Variants in KIAA0513 observed in about 807,000 individuals in gnomAD.
KIAA0513 encodes the protein uncharacterized protein KIAA0513.
In KIAA0513, 39 loss-of-function variants were observed where a neutral mutation model predicts 56.5. The ratio of observed to expected loss-of-function variants is 0.69; its 90% confidence interval spans 0.53 to 0.90. KIAA0513 has a LOEUF of 0.90. Ranked by LOEUF, KIAA0513 falls within the 40% of genes least tolerant of loss-of-function variation. KIAA0513 has a pLI of 0.00. For missense variants in KIAA0513, 591 were observed against 535.2 expected, an observed-to-expected ratio of 1.10 and a Z score of -1.03; for synonymous variants, 268 against 215.6, an observed-to-expected ratio of 1.24 and a Z score of -2.13.
chr16:85,056,969 G>T (rs572084078), intron 1 of KIAA0513, among the ~76,000 whole-genome samples: 6 of 152,212 alleles, frequency 3.9e-5, no homozygotes, highest in African/African-American at 1.4e-4. Flanking sequence ...CCTCCCAAAG[G>T]GCTGGAATTA....
chr16:85,032,983 G>C (rs919295375), intron 1 of KIAA0513, among the ~76,000 whole-genome samples: 1 of 152,104 alleles, frequency 6.6e-6, no homozygotes, highest in South Asian at 2.1e-4. Flanking sequence ...TAGGACCTCA[G>C]CATATCTTTT....
rs1038709734 is a variant in KIAA0513, at chr16:85,076,599, G to A, written c.574+685G>A. 2.6e-5 allele frequency among the ~76,000 whole-genome samples: 4 copies of A among 152,020 alleles called. No individual in the cohort carries two copies. The highest frequency in any genetic ancestry group is 6.6e-5 in the Admixed American group (1 of 15,260). ...CTGGTCCCCCGTGCTTTCCTCTCTC[G>A]GGACCCGCGTGCTCACTCTTGGGGT... On this transcript the variant is annotated intron_variant, in intron 5 of 12. Transcript: ENST00000683363. The surrounding 1 kb of genome is among the most constrained non-coding windows in gnomAD (Gnocchi z 4.7).
intron 1 of KIAA0513, among the ~76,000 whole-genome samples, chr16:85,051,349 G>A (rs1425677656): frequency 1.3e-5 from 2 of 152,022 alleles, no homozygotes; most frequent in Non-Finnish European, 2.9e-5. Flanking sequence ...ACCTATCTTT[G>A]GATATAGCCA....
At chr16:85,065,024 T>C (rs995102569) in intron 1 of KIAA0513, among the ~76,000 whole-genome samples, 1 of 152,066 alleles carries the variant, frequency 6.6e-6, no homozygotes, top group Non-Finnish European at 1.5e-5. Context: ...CCTATTTGAG[T>C]GGTTTGTGTA....
At chr16:85,059,074 A>T (rs754848327) in intron 1 of KIAA0513, among the ~76,000 whole-genome samples, 1 of 152,218 alleles carries the variant, frequency 6.6e-6, no homozygotes, top group Non-Finnish European at 1.5e-5. Flanking sequence ...CTAAAAGGAC[A>T]TTGAAATTTC....
chr16:85,044,161 T>C (rs1361367192), intron 1 of KIAA0513, among the ~76,000 whole-genome samples: 1 of 152,246 alleles, frequency 6.6e-6, no homozygotes, highest in Non-Finnish European at 1.5e-5. Flanking sequence ...CTTTTCCTTT[T>C]GTAGTCACTC....
At chr16:85,061,972 C>G (rs2073411777) in intron 1 of KIAA0513, among the ~76,000 whole-genome samples, 1 of 152,150 alleles carries the variant, frequency 6.6e-6, no homozygotes, top group Non-Finnish European at 1.5e-5. Flanking sequence ...GGCCTGCATG[C>G]TTCATGTTCC....
Position 85,089,574 on chromosome 16 carries a change from TG to T in KIAA0513, c.*1253del. On this transcript the variant is annotated 3_prime_UTR_variant, in exon 13 of 13. Coordinates refer to ENST00000683363, the MANE Select transcript of KIAA0513 (RefSeq NM_001388359.1). The surrounding 1 kb of genome is among the most constrained non-coding windows in gnomAD (Gnocchi z 4.2). Reference sequence around the variant, plus strand: ...CGTGCGTGGACACTGCTAGGCCGCCTGGGGTCCCCTGCCTCCTGCCTGTCGC... The same window carrying T: ...CGTGCGTGGACACTGCTAGGCCGCCTGGGTCCCCTGCCTCCTGCCTGTCGC... 6.6e-6 allele frequency: 1 copy of T among 152,646 alleles called. No individual in the cohort carries two copies. The highest frequency in any genetic ancestry group is 1.5e-5 in the Non-Finnish European group (1 of 68,244). The allele number at this position is 152,646 out of a possible 1,614,324, so 9.5% of individuals were successfully genotyped here.
intron 7 of KIAA0513, among the ~76,000 whole-genome samples, chr16:85,078,658 A>G (rs541294490): frequency 9.9e-5 from 15 of 152,246 alleles, no homozygotes; most frequent in Non-Finnish European, 1.9e-4. Flanking sequence ...CTCAGGAGGA[A>G]CTAAATTCCT....
chr16:85,034,176 C>G (rs1294327494), intron 1 of KIAA0513, among the ~76,000 whole-genome samples: 1 of 152,006 alleles, frequency 6.6e-6, no homozygotes, highest in African/African-American at 2.4e-5. Context: ...GTCAGGAGTT[C>G]GAGACCAGCC....
intron 1 of KIAA0513, among the ~76,000 whole-genome samples, chr16:85,039,642 T>C (rs1446165383): frequency 3.9e-5 from 6 of 152,078 alleles, no homozygotes; most frequent in Non-Finnish European, 7.4e-5. Flanking sequence ...CTGGCTAATT[T>C]TTATATTTTT....
chr16:85,080,860 C>T (rs569086551), intron 8 of KIAA0513, among the ~76,000 whole-genome samples: 1 of 152,316 alleles, frequency 6.6e-6, no homozygotes, highest in African/African-American at 2.4e-5. Flanking sequence ...AACGTTAGTT[C>T]GCTCAGCACA....
intron 3 of KIAA0513, 52 bp downstream of exon 3, chr16:85,071,934 A>C (rs1156852293): frequency 8.2e-7 from 1 of 1,216,114 alleles, no homozygotes; most frequent in East Asian, 2.3e-5. Flanking sequence ...GGAAGAATCT[A>C]GTGAAGCATA....
intron 12 of KIAA0513, 30 bp downstream of exon 12, chr16:85,087,196 G>T (rs1225386178): frequency 6.3e-7 from 1 of 1,579,252 alleles, no homozygotes; most frequent in Admixed American, 1.7e-5. Context: ...CTGGCAGGAG[G>T]CGGGCAGGGC....
In KIAA0513 at chr16:85,093,077, G is replaced by T. The variant is rs375831579; in HGVS notation, c.*4752G>T. Reference sequence around the variant, plus strand: ...ATCCTGTGACCGATGGGCTCGCAAGGATGGGTGCCGCCGTGGGAGCCCTGC... The same window carrying T: ...ATCCTGTGACCGATGGGCTCGCAAGTATGGGTGCCGCCGTGGGAGCCCTGC... On this transcript the variant is annotated 3_prime_UTR_variant, in exon 13 of 13. Coordinates refer to ENST00000683363, the MANE Select transcript of KIAA0513 (RefSeq NM_001388359.1). The T allele has an allele frequency of 1.3e-5, 2 of 152,470 alleles. No individual in the cohort carries two copies. Among genetic ancestry groups the T allele is most frequent in the African/African-American group, 4.8e-5 (2 of 41,468 alleles). 9.4% of individuals were successfully genotyped at this position (152,470 alleles called of 1,614,324 possible).
At chr16:85,043,071 A>G (rs1208679198) in intron 1 of KIAA0513, among the ~76,000 whole-genome samples, 1 of 152,218 alleles carries the variant, frequency 6.6e-6, no homozygotes, top group Admixed American at 6.5e-5. Context: ...ACATTTGCTA[A>G]TATGTCATAA....
At chr16:85,054,277 G>T (rs553489564) in intron 1 of KIAA0513, among the ~76,000 whole-genome samples, 1 of 152,138 alleles carries the variant, frequency 6.6e-6, no homozygotes, top group Non-Finnish European at 1.5e-5. Flanking sequence ...ATTGTTATGT[G>T]TCACCTTGGT....
intron 4 of KIAA0513, among the ~76,000 whole-genome samples, chr16:85,074,755 C>T (rs753616806): frequency 1.4e-4 from 21 of 152,262 alleles, no homozygotes; most frequent in Middle Eastern, 6.8e-3. Context: ...CTCCAGATTG[C>T]CTTTTATGAA....
chr16:85,047,313 C>T (rs1423532147), intron 1 of KIAA0513, among the ~76,000 whole-genome samples: 1 of 152,162 alleles, frequency 6.6e-6, no homozygotes, highest in Admixed American at 6.5e-5. Context: ...CCCAGGAGCT[C>T]GTAACAACTT....
Sources: gnomAD v4.1 joint callset for allele counts (sites outside exome capture counted in the v4.1 genomes callset) on GRCh38, gnomAD v4.1.1 for gene constraint, Gnocchi (gnomAD v3.1) non-coding constraint, MANE v1.5 for transcripts, NCBI Gene and HGNC (gene_info 2026-07-23, HGNC 2026-07-21) for gene names.